COL23A1: variants seen among roughly 807,000 people sequenced by gnomAD.
COL23A1 encodes the protein collagen alpha-1(XXIII) chain.
Under a neutral mutation model 99.3 loss-of-function variants are expected in COL23A1, and 97 were observed. The observed-to-expected ratio is 0.98, with a 90% CI of 0.83 to 1.16. The LOEUF is 1.16. COL23A1 is among the 50% of genes most tolerant of loss of function. The pLI, the probability that COL23A1 is intolerant of heterozygous loss-of-function variation, is 0.00. For synonymous variants in COL23A1, 320 were observed against 308.2 expected (o/e 1.04, Z -0.40); for missense variants, 762 against 757.4 (o/e 1.01, Z -0.07).
chr5:178,481,088 C>T (rs1409578590), intron 2 of COL23A1, among the ~76,000 whole-genome samples: 2 of 142,094 alleles, frequency 1.4e-5, no homozygotes, highest in African/African-American at 5.3e-5. Flanking sequence ...GCGGAGGCTG[C>T]AGCGAGCCGA....
intron 1 of COL23A1, among the ~76,000 whole-genome samples, chr5:178,582,953 C>T (rs768943867): frequency 7.9e-5 from 12 of 152,212 alleles, no homozygotes; most frequent in Non-Finnish European, 1.3e-4. Context: ...CGCAGACATT[C>T]GTCCCTTTCA....
chr5:178,330,607 T>C (rs897553633), intron 2 of COL23A1, among the ~76,000 whole-genome samples: 3 of 151,504 alleles, frequency 2.0e-5, no homozygotes, highest in Admixed American at 6.6e-5. Flanking sequence ...TGAGCCGAGA[T>C]TGCACCACTG....
At chr5:178,440,363 C>T (rs912701516) in intron 2 of COL23A1, among the ~76,000 whole-genome samples, 8 of 152,146 alleles carry the variant, frequency 5.3e-5, no homozygotes, top group African/African-American at 1.2e-4. Flanking sequence ...GCCAGCTTCT[C>T]CACCGCAAGC....
At chr5:178,565,174 A>G (rs1035361861) in intron 1 of COL23A1, among the ~76,000 whole-genome samples, 2 of 152,354 alleles carry the variant, frequency 1.3e-5, no homozygotes, top group Non-Finnish European at 2.9e-5. Context: ...AACAACCCAC[A>G]TGGGTGTTGG....
chr5:178,401,718 T>C (rs962908560), intron 2 of COL23A1, among the ~76,000 whole-genome samples: 1 of 152,244 alleles, frequency 6.6e-6, no homozygotes, highest in African/African-American at 2.4e-5. Flanking sequence ...TACCCAACTG[T>C]CTTCCAAAGT....
At chr5:178,261,670 G>T in intron 11 of COL23A1, 52 bp downstream of exon 11, 1 of 1,321,524 alleles carries the variant, frequency 7.6e-7, no homozygotes, top group Non-Finnish European at 1.1e-6. Flanking sequence ...GGTGGTGGGG[G>T]AGTCCATCCC....
intron 2 of COL23A1, among the ~76,000 whole-genome samples, chr5:178,548,734 T>A (rs1031163240): frequency 6.6e-6 from 1 of 152,186 alleles, no homozygotes; most frequent in Non-Finnish European, 1.5e-5. Context: ...ACTATGTATT[T>A]GTTGTATGTG....
At chr5:178,581,105 T>A (rs1269365998) in intron 1 of COL23A1, among the ~76,000 whole-genome samples, 1 of 152,266 alleles carries the variant, frequency 6.6e-6, no homozygotes, top group African/African-American at 2.4e-5. Flanking sequence ...AATTGCTTTT[T>A]GCTTTCGACA....
At chr5:178,581,146 T>C (rs1166507675) in intron 1 of COL23A1, among the ~76,000 whole-genome samples, 1 of 152,238 alleles carries the variant, frequency 6.6e-6, no homozygotes, top group African/African-American at 2.4e-5. Flanking sequence ...AATTAAAAAT[T>C]CAACTAAAAG....
At chr5:178,385,553 G>A (rs1265130604) in intron 2 of COL23A1, among the ~76,000 whole-genome samples, 1 of 152,216 alleles carries the variant, frequency 6.6e-6, no homozygotes, top group Non-Finnish European at 1.5e-5. Flanking sequence ...ACCGAGCCGG[G>A]GTGGCCCTGC....
intron 2 of COL23A1, among the ~76,000 whole-genome samples, chr5:178,358,146 ATGTGTATG>A (rs1433234211): frequency 1.7e-3 from 222 of 134,056 alleles, no homozygotes; most frequent in African/African-American, 5.6e-3. Flanking sequence ...ATGTGTGTGT[ATGTGTATG>A]TGTGTATGTC....
chr5:178,586,091 G>A lies in COL23A1; in HGVS notation c.294+3813C>T, dbSNP rs1338192533. 2.0e-5 allele frequency among the ~76,000 whole-genome samples: 3 copies of A among 152,210 alleles called. No homozygotes were observed. The East Asian group carries it at 5.8e-4, about 29-fold the overall frequency. ...GCTGCAGCAGCCACCTTGTGACCAT[G>A]AGGAAAGGACAAGAGAACGGCAGAG... On this transcript the variant is annotated intron_variant, in intron 1 of 28. Coordinates refer to ENST00000390654, the MANE Select transcript of COL23A1 (RefSeq NM_173465.4).
intron 6 of COL23A1, 100 bp downstream of exon 6, chr5:178,270,237 G>A: frequency 7.1e-7 from 1 of 1,414,616 alleles, no homozygotes; most frequent in South Asian, 1.2e-5. Context: ...GCTGAACCAA[G>A]TTCCAGTGGC....
At chr5:178,291,176 C>T (rs1027701377) in intron 3 of COL23A1, among the ~76,000 whole-genome samples, 6 of 152,156 alleles carry the variant, frequency 3.9e-5, no homozygotes, top group African/African-American at 9.7e-5. Context: ...CTAAGCCACG[C>T]GGCTGCCAAA....
intron 2 of COL23A1, among the ~76,000 whole-genome samples, chr5:178,522,784 C>T (rs1413064700): frequency 3.9e-5 from 6 of 152,140 alleles, no homozygotes; most frequent in South Asian, 2.1e-4. Context: ...CAGGACCAGA[C>T]GTGGCCTACG....
At chr5:178,545,896 A>G (rs1009497978) in intron 2 of COL23A1, among the ~76,000 whole-genome samples, 9 of 152,174 alleles carry the variant, frequency 5.9e-5, no homozygotes, top group African/African-American at 1.4e-4. Context: ...TTTATCCTCA[A>G]AACAAACCCA....
intron 2 of COL23A1, among the ~76,000 whole-genome samples, chr5:178,319,963 C>A (rs1256216541): frequency 1.3e-5 from 2 of 152,236 alleles, no homozygotes; most frequent in Non-Finnish European, 2.9e-5. Context: ...CAGGCTTGCC[C>A]TGCCTTGGGG....
At chr5:178,407,956 C>A (rs59400282) in intron 2 of COL23A1, among the ~76,000 whole-genome samples, 7,755 of 152,094 alleles carry the variant, frequency 0.051, 440 homozygotes, top group African/African-American at 0.14. Flanking sequence ...CCAGATGTGC[C>A]CAAAGACCTG....
At chr5:178,247,921 G>A in intron 20 of COL23A1, 90 bp from the exon 21 acceptor site, 2 of 1,168,764 alleles carry the variant, frequency 1.7e-6, no homozygotes, top group Non-Finnish European at 2.4e-6. Context: ...TGGATCGAGA[G>A]TCTCCTTCCT....
Sources: allele counts gnomAD v4.1 joint callset (sites outside exome capture counted in the v4.1 genomes callset), GRCh38; gene constraint gnomAD v4.1.1; transcripts MANE v1.5; gene names NCBI Gene and HGNC (gene_info 2026-07-23, HGNC 2026-07-21).